The following EPB41 variants were observed in gnomAD, a reference collection of about 807,000 sequenced individuals.
The protein encoded by EPB41 is protein 4.1.
Under a neutral mutation model 108.0 loss-of-function variants are expected in EPB41, and 65 were observed. The observed-to-expected ratio is 0.60, with a 90% CI of 0.49 to 0.74. The LOEUF is 0.74. Ranked by LOEUF, EPB41 falls within the 30% of genes least tolerant of loss-of-function variation. The pLI, the probability that EPB41 is intolerant of heterozygous loss-of-function variation, is 0.00. For missense variants in EPB41, 875 were observed against 1,037.0 expected, an observed-to-expected ratio of 0.84 and a Z score of 2.15; for synonymous variants, 336 against 358.9, an observed-to-expected ratio of 0.94 and a Z score of 0.72.
At chr1:29,057,384 A>G (rs1333585885) in intron 12 of EPB41, among the ~76,000 whole-genome samples, 1 of 150,784 alleles carries the variant, frequency 6.6e-6, no homozygotes, top group African/African-American at 2.4e-5. Flanking sequence ...AAAAAAAAAA[A>G]AAAAAAAAAA....
chr1:28,942,115 G>A (rs1039272521), intron 1 of EPB41, among the ~76,000 whole-genome samples: 2 of 152,108 alleles, frequency 1.3e-5, no homozygotes, highest in Non-Finnish European at 2.9e-5. Flanking sequence ...AAACCAAAAT[G>A]TTTTTCCTAT....
chr1:28,924,232 C>T (rs1424823748), intron 1 of EPB41, among the ~76,000 whole-genome samples: 2 of 152,162 alleles, frequency 1.3e-5, no homozygotes, highest in African/African-American at 4.8e-5. Context: ...TTTACTACAA[C>T]TTCATGAAAG....
chr1:28,901,224 C>T (rs879361092), intron 1 of EPB41, among the ~76,000 whole-genome samples: 5 of 146,114 alleles, frequency 3.4e-5, no homozygotes, highest in South Asian at 4.5e-4. Flanking sequence ...CCACTGCACC[C>T]GGCTATTTAT....
intron 4 of EPB41, among the ~76,000 whole-genome samples, chr1:29,008,610 T>C (rs1313609394): frequency 6.6e-6 from 1 of 152,186 alleles, no homozygotes; most frequent in Non-Finnish European, 1.5e-5. Flanking sequence ...GTGTCTTTTC[T>C]GGTCCCCCTG....
intron 16 of EPB41, among the ~76,000 whole-genome samples, chr1:29,093,412 ATTTG>A (rs1478452543): frequency 6.6e-6 from 1 of 152,016 alleles, no homozygotes; most frequent in Admixed American, 6.6e-5. Flanking sequence ...TTTCTTGTAA[ATTTG>A]TTTAAGTTTC....
intron 1 of EPB41, among the ~76,000 whole-genome samples, chr1:28,896,398 G>A (rs1334021363): frequency 6.6e-6 from 1 of 152,220 alleles, no homozygotes; most frequent in Non-Finnish European, 1.5e-5. Flanking sequence ...CCTCATGGAA[G>A]TAAGAATGTA....
chr1:29,030,440 A>G lies in EPB41; in HGVS notation c.1165A>G (p.Asn389Asp). The G allele has an allele frequency of 1.2e-6, 2 of 1,614,164 alleles. No individual in the cohort carries two copies. The highest frequency in any genetic ancestry group is 2.2e-5 in the East Asian group (1 of 44,856). ...PAQADLEFLENAKKLSMYGVD... is the reference protein window; with the variant it reads ...PAQADLEFLEDAKKLSMYGVD... ...TCAGGCTGACTTGGAGTTTCTTGAG[A>G]ATGCCAAAAAGTTGTCTATGTATGG... is the stretch of plus-strand genomic sequence containing the variant. Residue 389 changes from asparagine (N) to aspartate (D), a missense_variant, in exon 8 of 21, where the codon AAT becomes GAT. Physicochemically the swap from Asn to Asp is conservative, Grantham distance 23. Coordinates refer to ENST00000343067, the MANE Select transcript of EPB41 (RefSeq NM_001376013.1).
At chr1:29,039,217 A>C in intron 10 of EPB41, 37 bp from the exon 11 acceptor site, 1 of 1,583,734 alleles carries the variant, frequency 6.3e-7, no homozygotes, top group Non-Finnish European at 8.7e-7. Context: ...AATAAGATGA[A>C]TATATAATAA....
intron 1 of EPB41, among the ~76,000 whole-genome samples, chr1:28,904,962 C>T (rs1454540413): frequency 2.7e-5 from 4 of 145,842 alleles, no homozygotes; most frequent in South Asian, 2.2e-4. Flanking sequence ...ACCTGGGAGG[C>T]GGAGCTTGTA....
intron 1 of EPB41, among the ~76,000 whole-genome samples, chr1:28,943,685 G>A (rs1240401476): frequency 6.6e-6 from 1 of 151,954 alleles, no homozygotes; most frequent in African/African-American, 2.4e-5. Context: ...ACTACAACGA[G>A]AAGCTTACAT....
At chr1:29,070,390 G>T in intron 16 of EPB41, 1 of 1,232,080 alleles carries the variant, frequency 8.1e-7, no homozygotes, top group African/African-American at 1.5e-5. Flanking sequence ...TGTTAGTACA[G>T]GATGAAGAGA....
At chr1:29,055,165 C>G (rs1645152849) in intron 12 of EPB41, among the ~76,000 whole-genome samples, 1 of 152,146 alleles carries the variant, frequency 6.6e-6, no homozygotes, top group Non-Finnish European at 1.5e-5. Flanking sequence ...TTGTACCTAG[C>G]CAAATGTTTA....
At chr1:29,098,783 G>A (rs867395401) in intron 17 of EPB41, among the ~76,000 whole-genome samples, 2 of 151,924 alleles carry the variant, frequency 1.3e-5, no homozygotes, top group Middle Eastern at 3.4e-3. Flanking sequence ...TCACTCTGTC[G>A]CCCAGGCTGG....
chr1:29,053,489 TGTCA>T, intron 12 of EPB41, 177 bp downstream of exon 12: 2 of 741,252 alleles, frequency 2.7e-6, no homozygotes, highest in Non-Finnish European at 4.8e-6. Flanking sequence ...CGTAGAGTTA[TGTCA>T]GTAAGACTGT....
chr1:28,985,812 A>C (rs2095858014), intron 1 of EPB41: 1 of 152,036 alleles, frequency 6.6e-6, no homozygotes, highest in Non-Finnish European at 1.5e-5. Context: ...TAGCCTTAAA[A>C]ATTTTTTTTT....
At chr1:29,106,877 A>AT (rs1444410316) in intron 17 of EPB41, among the ~76,000 whole-genome samples, 1 of 144,504 alleles carries the variant, frequency 6.9e-6, no homozygotes, top group Non-Finnish European at 1.5e-5. Context: ...AGTCCCCAGT[A>AT]TTGCTTTTAT....
At chr1:29,089,494 CAGA>C (rs1660428662) in intron 16 of EPB41, among the ~76,000 whole-genome samples, 3 of 152,166 alleles carry the variant, frequency 2.0e-5, no homozygotes, top group Admixed American at 2.0e-4. Flanking sequence ...ATGGAAAAGA[CAGA>C]TGAATATGCC....
rs375223119 is a variant in EPB41 at position 28,987,692 on chromosome 1, G to A, written c.255G>A (p.Ser85=). ...GAGGACTTTCACGACTATTCTCCTC[G>A]TTTCTCAAAAGGCCCAAATCTCAGG... is the stretch of plus-strand genomic sequence containing the variant. ...ESRGLSRLFS[S]FLKRPKSQVS... is the part of the protein sequence containing the mutation. The change falls in exon 2 of 21, where the codon TCG becomes TCA. Residue 85 remains serine (S), a synonymous_variant. Coordinates refer to ENST00000343067, the MANE Select transcript of EPB41 (RefSeq NM_001376013.1). 3.4e-5 allele frequency: 55 copies of A among 1,614,174 alleles called. No individual in the cohort carries two copies. In the African/African-American group the frequency reaches 4.8e-4, roughly 14 times the overall value.
chr1:29,078,657 A>G (rs1655113967), intron 16 of EPB41, among the ~76,000 whole-genome samples: 1 of 152,134 alleles, frequency 6.6e-6, no homozygotes. Context: ...CTGAGGTAAG[A>G]GGATCATTTG....
Sources: allele counts gnomAD v4.1 joint callset (sites outside exome capture counted in the v4.1 genomes callset), GRCh38; gene constraint gnomAD v4.1.1; transcripts MANE v1.5; gene names NCBI Gene and HGNC (gene_info 2026-07-23, HGNC 2026-07-21).